Variants in ZNF341 observed in about 807,000 individuals in gnomAD.
ZNF341 encodes zinc finger protein 341.
In ZNF341, 52 loss-of-function variants were observed where a neutral mutation model predicts 87.7. The ratio of observed to expected loss-of-function variants is 0.59; its 90% confidence interval spans 0.47 to 0.75. The LOEUF (loss-of-function observed/expected upper bound fraction) is 0.75, where lower values mean the gene tolerates loss of function less well. ZNF341 is among the 30% of genes least tolerant of loss of function. ZNF341 has a pLI of 0.00. For synonymous variants in ZNF341, 459 were observed against 472.7 expected, an observed-to-expected ratio of 0.97 and a Z score of 0.38; for missense variants, 977 against 1,145.9, an observed-to-expected ratio of 0.85 and a Z score of 2.13.
chr20:33,745,991 C>T (rs1403344062), intron 3 of ZNF341, among the ~76,000 whole-genome samples: 4 of 141,728 alleles, frequency 2.8e-5, no homozygotes, highest in South Asian at 2.2e-4. Context: ...AGTGCAGTGG[C>T]GCCATCTCGG....
At chr20:33,741,135 C>G (rs565850391) in intron 2 of ZNF341, 123 bp downstream of exon 2, 1 of 891,666 alleles carries the variant, frequency 1.1e-6, no homozygotes. Context: ...GCTCTGGTGT[C>G]TGAACCCTCT....
intron 10 of ZNF341, 51 bp downstream of exon 10, chr20:33,770,343 G>GTGGGGGGGGGGGGCCGGCC: frequency 2.0e-6 from 1 of 511,254 alleles, no homozygotes; most frequent in Non-Finnish European, 4.0e-6. Context: ...GGTGGGCAGG[G>GTGGGGGGGGGGGGCCGGCC]AGCCCAGGGC....
chr20:33,788,518 G>A (rs891133762), intron 12 of ZNF341: 8 of 352,860 alleles, frequency 2.3e-5, no homozygotes, highest in African/African-American at 1.5e-4. Context: ...CTTCTGCCTT[G>A]TTCTCTGGCC....
At position 33,734,908 on chromosome 20, in the gene ZNF341, G is replaced by T. The variant is rs925470975; in HGVS notation, c.31+2856G>T. On this transcript the variant is annotated intron_variant, in intron 1 of 14. Transcript: ENST00000375200. ...TTAATAGAGAAGGGGGTTTCACCAT[G>T]TTGGCCAGGCTGGTCTCAAACTCCT... Among the ~76,000 whole-genome samples, 9 of 152,180 alleles carry T rather than the reference G, an allele frequency of 5.9e-5. 1 individual carries two copies. In the East Asian group the frequency reaches 1.5e-3, roughly 26 times the overall value.
rs772549479 is a variant in ZNF341, at chr20:33,740,934, T to C, written c.64T>C (p.Ser22Pro). 2 of 1,614,062 alleles carry C rather than the reference T, an allele frequency of 1.2e-6. No homozygotes were observed. The highest frequency in any genetic ancestry group is 1.7e-6 in the Non-Finnish European group (2 of 1,180,038). The change falls in exon 2 of 15, where the codon TCA becomes CCA. Residue 22 changes from serine (S) to proline (P), a missense_variant. This residue lies in a region of ZNF341 where 515 missense variants were observed against 598.2 expected (regional missense o/e 0.86). Coordinates refer to ENST00000375200, the MANE Select transcript of ZNF341 (RefSeq NM_001282933.2). ...MDNQTVLAVQSLLDGQGAVPD... is the reference protein window; with the variant it reads ...MDNQTVLAVQPLLDGQGAVPD... ...CAATCAGACCGTTCTGGCTGTCCAG[T>C]CATTATTGGATGGCCAAGGAGCAGT...
Position 33,758,750 on chromosome 20 carries a change from C to T in ZNF341, c.972C>T (p.Cys324=). The change falls in exon 7 of 15, where the codon TGC becomes TGT. Residue 324 remains cysteine, a synonymous_variant. Coordinates refer to ENST00000375200, the MANE Select transcript of ZNF341 (RefSeq NM_001282933.2). ...AGCCAAAGGCTCAGAAACTCAAGTGCTCATACTGTGACAAGTCATTCACCA... is the reference window on the plus strand; with the variant it reads ...AGCCAAAGGCTCAGAAACTCAAGTGTTCATACTGTGACAAGTCATTCACCA... ...AGKPKAQKLK[C]SYCDKSFTKN... The T allele has an allele frequency of 5.6e-6, 9 of 1,613,960 alleles. No individual in the cohort carries two copies. The highest frequency in any genetic ancestry group is 7.6e-6 in the Non-Finnish European group (9 of 1,179,960).
At chr20:33,760,368 A>T (rs918991928) in intron 7 of ZNF341, among the ~76,000 whole-genome samples, 2 of 152,048 alleles carry the variant, frequency 1.3e-5, no homozygotes, top group Non-Finnish European at 2.9e-5. Flanking sequence ...GTGCCAGTGC[A>T]CTCCAGCCTG....
intron 3 of ZNF341, among the ~76,000 whole-genome samples, chr20:33,747,627 A>C (rs1335685112): frequency 4.5e-5 from 6 of 132,768 alleles, no homozygotes; most frequent in Admixed American, 2.1e-4. Flanking sequence ...AAAAAAAAAA[A>C]AAAAAAAAAA....
chr20:33,754,531 G>A (rs533954532), intron 5 of ZNF341, among the ~76,000 whole-genome samples: 1 of 152,178 alleles, frequency 6.6e-6, no homozygotes. Flanking sequence ...GAGGGGCTGC[G>A]AGGGGATTTG....
intron 1 of ZNF341, among the ~76,000 whole-genome samples, chr20:33,734,215 A>G (rs951177304): frequency 2.6e-5 from 4 of 152,202 alleles, no homozygotes; most frequent in Admixed American, 1.3e-4. Context: ...CTGGGGAGAA[A>G]GGTCTCCTGG....
chr20:33,748,485 CAG>C (rs879282646), intron 3 of ZNF341, among the ~76,000 whole-genome samples: 48 of 152,114 alleles, frequency 3.2e-4, no homozygotes, highest in Non-Finnish European at 5.4e-4. Flanking sequence ...TTTTTAGAGA[CAG>C]AGTCTCTAAA....
chr20:33,766,800 C>T (rs1453287861), intron 8 of ZNF341, 51 bp from the exon 9 acceptor site: 1 of 1,544,078 alleles, frequency 6.5e-7, no homozygotes, highest in Non-Finnish European at 8.7e-7. Flanking sequence ...TCTGTGCATC[C>T]TTCCTGAATG....
intron 1 of ZNF341, among the ~76,000 whole-genome samples, chr20:33,738,457 G>A (rs1418308111): frequency 6.6e-6 from 1 of 152,112 alleles, no homozygotes; most frequent in Non-Finnish European, 1.5e-5. Flanking sequence ...TTTGGGGAAG[G>A]GCTATTATCA....
chr20:33,757,614 A>G (rs2019206643), intron 6 of ZNF341, among the ~76,000 whole-genome samples: 1 of 152,204 alleles, frequency 6.6e-6, no homozygotes, highest in Non-Finnish European at 1.5e-5. Context: ...AGAACATGGT[A>G]TCAGTTATCC....
intron 10 of ZNF341, among the ~76,000 whole-genome samples, chr20:33,772,651 A>G (rs1376817760): frequency 2.6e-5 from 4 of 152,190 alleles, no homozygotes; most frequent in Non-Finnish European, 1.5e-5. Context: ...CAGGTAGACA[A>G]TGGATGGAGT....
intron 10 of ZNF341, among the ~76,000 whole-genome samples, chr20:33,771,526 G>A (rs997525571): frequency 2.0e-5 from 3 of 151,988 alleles, no homozygotes; most frequent in Admixed American, 6.6e-5. Context: ...GATTACAGGC[G>A]TGAGCCACTG....
At chr20:33,747,300 A>T (rs1355674961) in intron 3 of ZNF341, among the ~76,000 whole-genome samples, 1 of 152,160 alleles carries the variant, frequency 6.6e-6, no homozygotes, top group African/African-American at 2.4e-5. Context: ...ATATAGACTG[A>T]AACAGGCATC....
intron 2 of ZNF341, among the ~76,000 whole-genome samples, chr20:33,742,345 C>A (rs148879798): frequency 7.2e-5 from 11 of 151,926 alleles, no homozygotes; most frequent in Non-Finnish European, 1.6e-4. Flanking sequence ...TACAGGTGCC[C>A]GCCACCATGC....
intron 14 of ZNF341, among the ~76,000 whole-genome samples, chr20:33,789,989 A>G (rs1293492362): frequency 6.6e-6 from 1 of 152,124 alleles, no homozygotes; most frequent in African/African-American, 2.4e-5. Flanking sequence ...TCCTCAGAGC[A>G]GCCTGGCTGG....
Sources: gnomAD v4.1 joint callset for allele counts (sites outside exome capture counted in the v4.1 genomes callset) on GRCh38, gnomAD v4.1.1 for gene constraint, gnomAD v4.1.1 regional missense constraint, MANE v1.5 for transcripts, NCBI Gene and HGNC (gene_info 2026-07-23, HGNC 2026-07-21) for gene names.